CMSS1: variants seen among roughly 807,000 people sequenced by gnomAD.
CMSS1 encodes cms1 ribosomal small subunit homolog, also known as protein CMSS1.
CMSS1 carries 33 observed loss-of-function variants against 43.5 expected under a neutral mutation model. The ratio of observed to expected loss-of-function variants is 0.76; its 90% CI spans 0.57 to 1.01. CMSS1 has a LOEUF of 1.01. Among genes scored for constraint, CMSS1 ranks in the 50% least tolerant of loss-of-function variants. The probability of loss-of-function intolerance (pLI) is 0.00; values close to 1 mark genes in which losing one functional copy is unlikely to be tolerated. For synonymous variants in CMSS1, 115 were observed against 117.2 expected (o/e 0.98, Z 0.12); for missense variants, 313 against 326.4 (o/e 0.96, Z 0.32).
chr3:99,988,472 A>C (rs1323140825), intron 1 of CMSS1, among the ~76,000 whole-genome samples: 1 of 141,718 alleles, frequency 7.1e-6, no homozygotes, highest in Non-Finnish European at 1.5e-5. Context: ...AGATCATGCC[A>C]CTGCACTCCA....
At chr3:99,849,224 G>C (rs867405537) in intron 1 of CMSS1, 1 of 1,614,150 alleles carries the variant, frequency 6.2e-7, no homozygotes, top group South Asian at 1.1e-5. Context: ...GCACGTTCCA[G>C]AGGAATGAGG....
At chr3:99,991,096 CA>C (rs1387095205) in intron 1 of CMSS1, among the ~76,000 whole-genome samples, 3 of 152,130 alleles carry the variant, frequency 2.0e-5, no homozygotes, top group East Asian at 1.9e-4. Flanking sequence ...GACATAAGAC[CA>C]AAAAAATTCT....
chr3:100,172,232 T>G, intron 7 of CMSS1, 84 bp from the exon 8 acceptor site: 1 of 1,248,934 alleles, frequency 8.0e-7, no homozygotes, highest in Non-Finnish European at 1.1e-6. Flanking sequence ...CTTTCTTAAC[T>G]TTGAGATAAA....
At chr3:100,104,662 T>C (rs1407413335) in intron 1 of CMSS1, among the ~76,000 whole-genome samples, 1 of 152,172 alleles carries the variant, frequency 6.6e-6, no homozygotes. Context: ...TTTTCCTGTT[T>C]TGCAGGAGTA....
At chr3:99,847,061 A>G (rs538533302) in intron 1 of CMSS1, among the ~76,000 whole-genome samples, 1 of 152,338 alleles carries the variant, frequency 6.6e-6, no homozygotes, top group South Asian at 2.1e-4. Flanking sequence ...AGTTATTCTC[A>G]TCTATATTGT....
Position 100,003,551 on chromosome 3 carries a change from T to G in CMSS1, c.65-143422T>G, listed in dbSNP as rs1709903688. 2.6e-5 allele frequency among the ~76,000 whole-genome samples: 4 copies of G among 152,168 alleles called. No homozygotes were observed. In the South Asian group the frequency reaches 8.3e-4, roughly 32 times the overall value. ...TTGTAGATGGCCCAGGTGACTTAGC[T>G]AATGTGTGTCAGAATTGGAATTAGA... On this transcript the variant is annotated intron_variant, in intron 1 of 9. Coordinates refer to ENST00000421999, the MANE Select transcript of CMSS1 (RefSeq NM_032359.4).
At chr3:99,836,236 G>A (rs1239134831) in intron 1 of CMSS1, among the ~76,000 whole-genome samples, 1 of 152,108 alleles carries the variant, frequency 6.6e-6, no homozygotes, top group Non-Finnish European at 1.5e-5. Flanking sequence ...AAATAAGTGG[G>A]GAGGACAGAG....
chr3:99,955,481 C>T (rs921117348), intron 1 of CMSS1, among the ~76,000 whole-genome samples: 6 of 152,046 alleles, frequency 3.9e-5, no homozygotes, highest in Admixed American at 1.3e-4. Flanking sequence ...ATTATTAAAC[C>T]GGAATTTAGT....
intron 1 of CMSS1, among the ~76,000 whole-genome samples, chr3:100,038,419 C>CT (rs1291968744): frequency 6.6e-6 from 1 of 152,066 alleles, no homozygotes; most frequent in East Asian, 1.9e-4. Flanking sequence ...CAAATTATTT[C>CT]TTTTTTCACC....
chr3:99,935,345 C>CTAGCATGAAGTGCTGACCTAG (rs1453632191), intron 1 of CMSS1, among the ~76,000 whole-genome samples: 1 of 151,692 alleles, frequency 6.6e-6, no homozygotes, highest in Non-Finnish European at 1.5e-5. Flanking sequence ...GACCTAGTAC[C>CTAGCATGAAGTGCTGACCTAG]TAGTGAGTTT....
chr3:99,860,819 A>G (rs1033559691), intron 1 of CMSS1, among the ~76,000 whole-genome samples: 4 of 152,178 alleles, frequency 2.6e-5, no homozygotes, highest in Non-Finnish European at 5.9e-5. Flanking sequence ...CTTCTGCAGT[A>G]CTGTATTGTT....
rs1006754245 is a variant in CMSS1, at chr3:99,991,231, A to G, written c.65-155742A>G. Among the ~76,000 whole-genome samples the G allele has an allele frequency of 1.2e-4, 19 of 152,354 alleles. No homozygotes were observed. In the East Asian group the frequency reaches 1.3e-3, roughly 11 times the overall value. ...TCTTCTTTAAGGAGAGAATGTTCTC[A>G]TTAGAAATGTATGACCATTTCAAAT... On this transcript the variant is annotated intron_variant, in intron 1 of 9. Transcript: ENST00000421999.
At chr3:100,147,139 T>C in intron 2 of CMSS1, 78 bp downstream of exon 2, 1 of 1,474,818 alleles carries the variant, frequency 6.8e-7, no homozygotes, top group South Asian at 1.3e-5. Context: ...GAACTCCCCA[T>C]GTCCTAATAT....
intron 1 of CMSS1, among the ~76,000 whole-genome samples, chr3:99,928,486 A>G (rs772129591): frequency 6.6e-6 from 1 of 152,226 alleles, no homozygotes; most frequent in Non-Finnish European, 1.5e-5. Context: ...CTTGTAAAGT[A>G]GGGCCAGATT....
At chr3:100,167,571 C>G (rs576268508) in intron 5 of CMSS1, among the ~76,000 whole-genome samples, 167 bp from the exon 6 acceptor site, 39 of 152,222 alleles carry the variant, frequency 2.6e-4, no homozygotes, top group African/African-American at 9.1e-4. Flanking sequence ...TTATTTTAAT[C>G]TAATATTTAC....
intron 1 of CMSS1, among the ~76,000 whole-genome samples, chr3:99,907,217 GTTATC>G (rs947093935): frequency 2.0e-5 from 3 of 151,978 alleles, no homozygotes; most frequent in Non-Finnish European, 2.9e-5. Flanking sequence ...GTGTGGAATA[GTTATC>G]TTAACTACCT....
intron 1 of CMSS1, among the ~76,000 whole-genome samples, chr3:99,929,579 T>C (rs904453097): frequency 6.6e-6 from 1 of 152,086 alleles, no homozygotes; most frequent in Non-Finnish European, 1.5e-5. Context: ...TGTTTGTGTG[T>C]GTATGTGCCT....
At chr3:100,151,976 C>A (rs1439945547) in intron 2 of CMSS1, among the ~76,000 whole-genome samples, 1 of 152,222 alleles carries the variant, frequency 6.6e-6, no homozygotes. Flanking sequence ...ACCTCTCCCA[C>A]ATGCTCAACA....
rs6762731 is a variant in CMSS1 at position 100,067,548 on chromosome 3, T to G, written c.65-79425T>G. 4.6e-3 allele frequency among the ~76,000 whole-genome samples: 704 copies of G among 152,332 alleles called. 5 individuals are homozygous for G. Among genetic ancestry groups the G allele is most frequent in the African/African-American group, 0.016 (671 of 41,560 alleles). On this transcript the variant is annotated intron_variant, in intron 1 of 9. Transcript: ENST00000421999. ...TCATCTAAAATGCTGTCAAATCATC[T>G]GAATTTTGCAGATTTGATTCAGATA...
Sources: gnomAD v4.1 joint callset for allele counts (sites outside exome capture counted in the v4.1 genomes callset) on GRCh38, gnomAD v4.1.1 for gene constraint, MANE v1.5 for transcripts, NCBI Gene and HGNC (gene_info 2026-07-23, HGNC 2026-07-21) for gene names.